ARAP2: variants seen among roughly 807,000 people sequenced by gnomAD.
ARAP2 encodes ArfGAP with RhoGAP domain, ankyrin repeat and PH domain 2.
Under a neutral mutation model 194.5 loss-of-function variants are expected in ARAP2, and 148 were observed. The observed-to-expected ratio is 0.76, with a 90% CI of 0.67 to 0.87. The LOEUF is 0.87. Ranked by LOEUF, ARAP2 falls within the 40% of genes least tolerant of loss-of-function variation. The pLI, the probability that ARAP2 is intolerant of heterozygous loss-of-function variation, is 0.00. For missense variants in ARAP2, 2,128 were observed against 1,989.7 expected (o/e 1.07, Z -1.32); for synonymous variants, 695 against 683.5 (o/e 1.02, Z -0.26).
chr4:36,015,641 T>C (rs1285713872), intron 7 of ARAP2: 5 of 152,198 alleles, frequency 3.3e-5, no homozygotes, highest in Middle Eastern at 3.2e-3. Flanking sequence ...ATCTGCAAGG[T>C]AATTCATGGA....
chr4:36,053,038 C>T (rs912372014), intron 2 of ARAP2, among the ~76,000 whole-genome samples: 1 of 152,022 alleles, frequency 6.6e-6, no homozygotes, highest in Non-Finnish European at 1.5e-5. Context: ...GATGGAGTCT[C>T]ATTTTGTTGC....
At chr4:36,049,490 T>G (rs555918525) in intron 3 of ARAP2, among the ~76,000 whole-genome samples, 1 of 152,304 alleles carries the variant, frequency 6.6e-6, no homozygotes, top group East Asian at 1.9e-4. Context: ...CTTTTATGAC[T>G]ATTTGATTTT....
intron 6 of ARAP2, among the ~76,000 whole-genome samples, chr4:36,205,532 A>G (rs1745357992): frequency 6.6e-6 from 1 of 152,122 alleles, no homozygotes; most frequent in Admixed American, 6.5e-5. Flanking sequence ...CCTTGTATTT[A>G]TCAAAGTATG....
chr4:36,200,607 C>T lies in ARAP2; in HGVS notation c.1488-6960G>A, dbSNP rs535152805. Among the ~76,000 whole-genome samples the T allele has an allele frequency of 2.4e-4, 37 of 152,178 alleles. 2 individuals carry two copies. The South Asian group carries it at 7.7e-3, about 32-fold the overall frequency. ...GATTAATTCATACTGGTAAACCTTACAAATTAATCAAAATTTCAACTAAAT... is the reference window on the plus strand; with the variant it reads ...GATTAATTCATACTGGTAAACCTTATAAATTAATCAAAATTTCAACTAAAT... On this transcript the variant is annotated intron_variant, in intron 6 of 32. Transcript: ENST00000303965.
chr4:36,140,547 C>T (rs755932329), intron 19 of ARAP2, among the ~76,000 whole-genome samples: 21 of 151,614 alleles, frequency 1.4e-4, no homozygotes, highest in Non-Finnish European at 2.2e-4. Flanking sequence ...GGGCAATAGG[C>T]TACTGTTTAA....
At chr4:36,015,432 GTTC>G (rs1158507914) in exon 8 of ARAP2, 4 of 152,226 alleles carry the variant, frequency 2.6e-5, no homozygotes, top group African/African-American at 7.2e-5. Flanking sequence ...AAGAAGTTCT[GTTC>G]TTCTTTGGGA....
chr4:36,196,833 T>C (rs1425533278), intron 6 of ARAP2, among the ~76,000 whole-genome samples: 2 of 151,768 alleles, frequency 1.3e-5, no homozygotes, highest in African/African-American at 4.8e-5. Context: ...TCCAGACTCT[T>C]TCTTGCCTCA....
chr4:36,203,640 G>C (rs1319420771), intron 6 of ARAP2, among the ~76,000 whole-genome samples: 2 of 151,818 alleles, frequency 1.3e-5, no homozygotes, highest in African/African-American at 4.8e-5. Context: ...ATAACACTCA[G>C]GAAGAAGATT....
At position 36,147,328 on chromosome 4, in the gene ARAP2, T is replaced by C. The variant is rs1467399136; in HGVS notation, c.3231A>G (p.Lys1077=). ...TTTCTACCAAGAGTAAAACATCCAG[T>C]TTTTCCCCATTTTGAACCATTGTGC... ...TISTMVQNGE[K]LDVLLLVEKG... The change falls in exon 19 of 33, where the codon AAA becomes AAG. Residue 1077 remains lysine, a synonymous_variant. Transcript: ENST00000303965. The C allele has an allele frequency of 1.2e-6, 2 of 1,612,894 alleles. No individual in the cohort carries two copies. Among genetic ancestry groups the C allele is most frequent in the Non-Finnish European group, 1.7e-6 (2 of 1,179,232 alleles).
chr4:36,159,237 G>C, intron 14 of ARAP2, 94 bp downstream of exon 14: 2 of 1,265,328 alleles, frequency 1.6e-6, no homozygotes, highest in Non-Finnish European at 2.1e-6. Flanking sequence ...TCATTCTGAT[G>C]GTTTCTCTTA....
intron 8 of ARAP2, among the ~76,000 whole-genome samples, chr4:36,013,065 T>C (rs1300733352): frequency 6.6e-6 from 1 of 152,210 alleles, no homozygotes; most frequent in Non-Finnish European, 1.5e-5. Flanking sequence ...ACATATTGAA[T>C]ATATTTGTAG....
intron 15 of ARAP2, among the ~76,000 whole-genome samples, chr4:36,157,734 A>G (rs1241558419): frequency 6.6e-6 from 1 of 152,206 alleles, no homozygotes; most frequent in Non-Finnish European, 1.5e-5. Context: ...CAGGACAGCT[A>G]TTCTTTTCAG....
chr4:36,015,911 A>G (rs1175604021), exon 7 of ARAP2: 2 of 152,186 alleles, frequency 1.3e-5, no homozygotes, highest in Admixed American at 1.3e-4. Flanking sequence ...TCAGGAATAA[A>G]TATGCACATA....
chr4:36,121,541 A>C (rs569428447), intron 22 of ARAP2, among the ~76,000 whole-genome samples: 1 of 151,934 alleles, frequency 6.6e-6, no homozygotes, highest in South Asian at 2.1e-4. Flanking sequence ...GATTAGTAAA[A>C]GTTACAAAGT....
intron 1 of ARAP2, among the ~76,000 whole-genome samples, chr4:36,237,233 C>A (rs775315051): frequency 2.0e-5 from 3 of 152,152 alleles, no homozygotes; most frequent in African/African-American, 7.2e-5. Flanking sequence ...AATCAAATAA[C>A]AAATTATTAT....
intron 5 of ARAP2, among the ~76,000 whole-genome samples, chr4:36,030,798 T>G (rs1039237147): frequency 0.74 from 92,280 of 124,146 alleles, 34,020 homozygotes; most frequent in Middle Eastern, 0.84. Context: ...ATTGTCTACG[T>G]TTTTTTTTTT....
intron 5 of ARAP2, among the ~76,000 whole-genome samples, chr4:36,042,810 A>G (rs541599061): frequency 6.6e-6 from 1 of 150,644 alleles, no homozygotes; most frequent in Non-Finnish European, 1.5e-5. Flanking sequence ...TATTCATCCA[A>G]TCAATAAATC....
At chr4:36,065,548 T>C (rs911143932), downstream of ARAP2, 3 of 245,684 alleles carry the variant, frequency 1.2e-5, no homozygotes, top group Non-Finnish European at 2.6e-5. Context: ...CTTCAGCTCA[T>C]GGGCCTCACC....
chr4:36,014,217 A>G (rs1289058382), intron 8 of ARAP2, among the ~76,000 whole-genome samples: 1 of 115,318 alleles, frequency 8.7e-6, no homozygotes, highest in East Asian at 2.3e-4. Flanking sequence ...ACAAAGTGAG[A>G]CCCTATCGAA....
Sources: allele counts gnomAD v4.1 joint callset (sites outside exome capture counted in the v4.1 genomes callset), GRCh38; gene constraint gnomAD v4.1.1; transcripts MANE v1.5; gene names NCBI Gene and HGNC (gene_info 2026-07-23, HGNC 2026-07-21).